TYRO3: variants seen among roughly 807,000 people sequenced by gnomAD.
TYRO3 encodes tyrosine-protein kinase receptor TYRO3.
A neutral mutation model predicts 95.2 loss-of-function variants in TYRO3; 38 were observed. That is an observed-to-expected ratio of 0.40 (90% CI 0.31 to 0.52). The LOEUF is 0.52. TYRO3 is among the 20% of genes least tolerant of loss of function. TYRO3 has a pLI of 0.56. For missense variants in TYRO3, 812 were observed against 1,116.4 expected, an observed-to-expected ratio of 0.73 and a Z score of 3.89; for synonymous variants, 367 against 432.9, an observed-to-expected ratio of 0.85 and a Z score of 1.89.
intron 6 of TYRO3, among the ~76,000 whole-genome samples, chr15:41,567,152 G>T (rs1566900280): frequency 6.6e-6 from 1 of 152,178 alleles, no homozygotes; most frequent in East Asian, 1.9e-4. Context: ...GGAAGAGCAG[G>T]TCATTCCAAG....
At chr15:41,575,149 C>G (rs2055844653) in intron 18 of TYRO3, among the ~76,000 whole-genome samples, 1 of 152,236 alleles carries the variant, frequency 6.6e-6, no homozygotes, top group Non-Finnish European at 1.5e-5. Flanking sequence ...AAGGCTCAGC[C>G]TGATGGTGGG....
chr15:41,568,376 C>G lies in TYRO3; in HGVS notation c.1107+14C>G. ...AATGGAACCCAGGTAAGACAGAACC[C>G]TCCCCTCTCTCCACTCTCCTGGAGT... On this transcript the variant is annotated intron_variant, in intron 8 of 18. Coordinates refer to ENST00000263798, the MANE Select transcript of TYRO3 (RefSeq NM_006293.4). 6.6e-7 allele frequency: 1 copy of G among 1,513,608 alleles called. No homozygotes were observed. Among genetic ancestry groups the G allele is most frequent in the Non-Finnish European group, 9.1e-7 (1 of 1,104,288 alleles). 93.8% of individuals were successfully genotyped at this position (1,513,608 alleles called of 1,614,324 possible). A position where few individuals can be genotyped will look rare whatever the true frequency, so the allele number is the denominator to read the frequency against.
Position 41,561,206 on chromosome 15 carries a change from G to C in TYRO3, c.204G>C (p.Gly68=), listed in dbSNP as rs1160508473. ...QPVKLNCSVE[G]MEEPDIQWVK... is the part of the protein sequence containing the mutation. Reference sequence around the variant, plus strand: ...TGAAGCTCAACTGCAGTGTGGAGGGGATGGAGGAGCCTGACATCCAGTGGG... The same window carrying C: ...TGAAGCTCAACTGCAGTGTGGAGGGCATGGAGGAGCCTGACATCCAGTGGG... The change falls in exon 2 of 19, where the codon GGG becomes GGC. Residue 68 remains glycine (G), a synonymous_variant. Transcript: ENST00000263798. The C allele has an allele frequency of 3.1e-6, 5 of 1,614,140 alleles. No individual in the cohort carries two copies. In the African/African-American group the frequency reaches 5.3e-5, roughly 17 times the overall value.
In TYRO3 at chr15:41,561,216, C is replaced by G. The variant is rs761074506; in HGVS notation, c.214C>G (p.Pro72Ala). 11 of 1,614,230 alleles carry G rather than the reference C, an allele frequency of 6.8e-6. No individual in the cohort carries two copies. The highest frequency in any genetic ancestry group is 5.5e-5 in the South Asian group (5 of 91,088). ...LNCSVEGMEE[P>A]DIQWVKDGAV... ...CTGCAGTGTGGAGGGGATGGAGGAGCCTGACATCCAGTGGGTGAAGGATGG... is the reference window on the plus strand; with the variant it reads ...CTGCAGTGTGGAGGGGATGGAGGAGGCTGACATCCAGTGGGTGAAGGATGG... The change falls in exon 2 of 19, where the codon CCT becomes GCT. Residue 72 changes from proline (P) to alanine (A), a missense_variant. Transcript: ENST00000263798.
At position 41,565,922 on chromosome 15, in the gene TYRO3, C is replaced by T. The variant is rs546474492; in HGVS notation, c.783+781C>T. On this transcript the variant is annotated intron_variant, in intron 6 of 18. Coordinates refer to ENST00000263798, the MANE Select transcript of TYRO3 (RefSeq NM_006293.4). ...CAATGCAGGCTTGCTCATTTTCATC[C>T]GTTTACTCAAAGGCCATTTAATGAG... 4.6e-5 allele frequency among the ~76,000 whole-genome samples: 7 copies of T among 152,214 alleles called. No individual in the cohort carries two copies. The East Asian group carries it at 5.8e-4, about 13-fold the overall frequency.
In TYRO3 at chr15:41,568,747, TC is replaced by T; in HGVS notation, c.1108-129del. ...TGTGATTACTCCCAGAAGGTTGTGT[TC>T]CTGCAGCCCCTGAACCCACAGTGCC... On this transcript the variant is annotated intron_variant, in intron 8 of 18. Transcript: ENST00000263798. 4.6e-6 allele frequency: 5 copies of T among 1,083,186 alleles called. 1 individual carries two copies. The South Asian group carries it at 8.2e-5, about 18-fold the overall frequency. The allele number at this position is 1,083,186 out of a possible 1,614,324, so 67.1% of individuals were successfully genotyped here.
chr15:41,564,329 T>C (rs1595500139), intron 5 of TYRO3, 59 bp downstream of exon 5: 1 of 1,531,156 alleles, frequency 6.5e-7, no homozygotes, highest in East Asian at 2.2e-5. Context: ...CAGCGAGCTG[T>C]CCAGCAGTTA....
At chr15:41,565,647 TC>T (rs1469809357) in intron 6 of TYRO3, among the ~76,000 whole-genome samples, 3 of 150,904 alleles carry the variant, frequency 2.0e-5, no homozygotes, top group Non-Finnish European at 1.5e-5. Context: ...CAGCCTGATC[TC>T]AAACTCCTGA....
intron 11 of TYRO3, 123 bp downstream of exon 11, chr15:41,570,463 T>G (rs944454554): frequency 5.7e-6 from 8 of 1,399,552 alleles, no homozygotes; most frequent in Non-Finnish European, 8.0e-6. Flanking sequence ...CACACAAATC[T>G]GCCTGTGTGG....
In TYRO3 at chr15:41,578,291, G is replaced by A. The variant is rs1371616285; in HGVS notation, c.*15G>A. On this transcript the variant is annotated 3_prime_UTR_variant, in exon 19 of 19. Transcript: ENST00000263798. ...GTAGCTGTTAGCCCACAGGCAGAGG[G>A]CATCGGGGCCATTTGGCCGGCTCTG... is the stretch of plus-strand genomic sequence containing the variant. 33 of 1,612,956 alleles carry A rather than the reference G, an allele frequency of 2.0e-5. No homozygotes were observed. The highest frequency in any genetic ancestry group is 2.6e-5 in the Non-Finnish European group (31 of 1,179,912).
At chr15:41,565,163 A>C (rs750677592) in intron 6 of TYRO3, 22 bp downstream of exon 6, 4 of 1,479,368 alleles carry the variant, frequency 2.7e-6, no homozygotes, top group Non-Finnish European at 2.8e-6. Flanking sequence ...GGGCCGGGCC[A>C]TGCTCGTTCT....
chr15:41,570,971 C>A, intron 12 of TYRO3, 67 bp from the exon 13 acceptor site: 1 of 1,541,004 alleles, frequency 6.5e-7, no homozygotes, highest in Non-Finnish European at 8.9e-7. Flanking sequence ...TGGAGGGTCA[C>A]TTGGGAGGAA....
At chr15:41,564,333 G>C in intron 5 of TYRO3, 63 bp downstream of exon 5, 1 of 1,521,200 alleles carries the variant, frequency 6.6e-7, no homozygotes, top group East Asian at 2.3e-5. Flanking sequence ...GAGCTGTCCA[G>C]CAGTTAGAAT....
Position 41,573,109 on chromosome 15 carries a change from C to G in TYRO3, c.1983C>G (p.Cys661Trp), listed in dbSNP as rs2055818636. The G allele has an allele frequency of 6.2e-7, 1 of 1,613,346 alleles. No individual in the cohort carries two copies. Among genetic ancestry groups the G allele is most frequent in the East Asian group, 2.2e-5 (1 of 44,836 alleles). Reference sequence around the variant, plus strand: ...ACCGAGACCTGGCTGCTCGGAATTGCATGTACGAATTCTGGAGGACTCGAG... The same window carrying G: ...ACCGAGACCTGGCTGCTCGGAATTGGATGTACGAATTCTGGAGGACTCGAG... ...FIHRDLAARN[C>W]MLAEDMTVCV... is the part of the protein sequence containing the mutation. The change falls in exon 16 of 19, where the codon TGC becomes TGG. Residue 661 changes from cysteine to tryptophan, a missense_variant and splice_region_variant. Physicochemically the swap from Cys to Trp is radical, Grantham distance 215. Coordinates refer to ENST00000263798, the MANE Select transcript of TYRO3 (RefSeq NM_006293.4).
At chr15:41,575,958 G>T (rs1293867101) in intron 18 of TYRO3, among the ~76,000 whole-genome samples, 1 of 151,782 alleles carries the variant, frequency 6.6e-6, no homozygotes, top group Non-Finnish European at 1.5e-5. Flanking sequence ...TACAAAATTA[G>T]CTGGGCGTGG....
In TYRO3 at chr15:41,580,761, G is replaced by T. The variant is rs2055914277; in HGVS notation, c.*2485G>T. ...GTCTCTTGTCTTGGCTTCCCGAGTAGTTGGGACTACAGGCACGAGCCACTG... is the reference window on the plus strand; with the variant it reads ...GTCTCTTGTCTTGGCTTCCCGAGTATTTGGGACTACAGGCACGAGCCACTG... On this transcript the variant is annotated 3_prime_UTR_variant, in exon 19 of 19. Transcript: ENST00000263798. 1 of 152,052 alleles carries T rather than the reference G, an allele frequency of 6.6e-6. No homozygotes were observed. The highest frequency in any genetic ancestry group is 2.4e-5 in the African/African-American group (1 of 41,416). 9.4% of individuals were successfully genotyped at this position (152,052 alleles called of 1,614,324 possible). A position where few individuals can be genotyped will look rare whatever the true frequency, so the allele number is the denominator to read the frequency against.
chr15:41,573,750 T>C lies in TYRO3; in HGVS notation c.2217T>C (p.Ala739=). The C allele has an allele frequency of 6.2e-7, 1 of 1,614,126 alleles. No individual in the cohort carries two copies. Among genetic ancestry groups the C allele is most frequent in the Admixed American group, 1.7e-5 (1 of 60,022 alleles). The change falls in exon 18 of 19, where the codon GCT becomes GCC. Residue 739 remains alanine, a synonymous_variant. Coordinates refer to ENST00000263798, the MANE Select transcript of TYRO3 (RefSeq NM_006293.4). ...CGCCATATGCTGGCATCGAAAACGC[T>C]GAGATTTACAACTACCTCATTGGCG... ...GQTPYAGIEN[A]EIYNYLIGGN...
At chr15:41,576,009 C>A (rs1240938911) in intron 18 of TYRO3, among the ~76,000 whole-genome samples, 14 of 145,342 alleles carry the variant, frequency 9.6e-5, no homozygotes, top group African/African-American at 3.6e-4. Context: ...GAAGCTGAGG[C>A]AGGAGAATCA....
intron 18 of TYRO3, chr15:41,574,844 C>T: frequency 2.3e-6 from 1 of 426,458 alleles, no homozygotes; most frequent in Non-Finnish European, 4.7e-6. Context: ...CCCAGCCTTC[C>T]AAGTAGCTGG....
Sources: allele counts gnomAD v4.1 joint callset (sites outside exome capture counted in the v4.1 genomes callset), GRCh38; gene constraint gnomAD v4.1.1; transcripts MANE v1.5; gene names NCBI Gene and HGNC (gene_info 2026-07-23, HGNC 2026-07-21).